RABEP1: variants seen among roughly 807,000 people sequenced by gnomAD.
The protein encoded by RABEP1 is rab GTPase-binding effector protein 1.
A neutral mutation model predicts 123.4 loss-of-function variants in RABEP1; 51 were observed. The observed-to-expected ratio is 0.41, with a 90% CI of 0.33 to 0.52. The LOEUF is 0.52. Among genes scored for constraint, RABEP1 ranks in the 20% least tolerant of loss-of-function variants. RABEP1 has a pLI of 0.16. For synonymous variants in RABEP1, 347 were observed against 355.2 expected (o/e 0.98, Z 0.26); for missense variants, 888 against 996.3 (o/e 0.89, Z 1.46).
rs11432831 is a variant in RABEP1 at position 5,310,301 on chromosome 17, CT to C, written c.163+1497del. 4.5e-4 allele frequency among the ~76,000 whole-genome samples: 57 copies of C among 126,412 alleles called. 1 individual carries two copies. Among genetic ancestry groups the C allele is most frequent in the Admixed American group, 6.5e-4 (8 of 12,220 alleles). 82.9% of individuals were successfully genotyped at this position (126,412 alleles called of 152,430 possible). A position where few individuals can be genotyped will look rare whatever the true frequency, so the allele number is the denominator to read the frequency against. ...TTACAATTTAAATGAAAGCTTCGTC[CT>C]TTTTTTTTTTTTTTTTTGAGATGGG... On this transcript the variant is annotated intron_variant, in intron 2 of 17. Transcript: ENST00000537505.
intron 1 of RABEP1, among the ~76,000 whole-genome samples, chr17:5,284,486 G>T (rs1410506379): frequency 1.7e-4 from 26 of 150,606 alleles, no homozygotes; most frequent in Non-Finnish European, 2.8e-4. Context: ...TTTTCTTTGA[G>T]ACAGTATCTC....
At chr17:5,322,671 A>G (rs898677144) in intron 2 of RABEP1, among the ~76,000 whole-genome samples, 11 of 152,256 alleles carry the variant, frequency 7.2e-5, no homozygotes, top group Non-Finnish European at 8.8e-5. Flanking sequence ...ACAACATATT[A>G]AAAAGATCAG....
Position 5,381,417 on chromosome 17 carries a change from A to G in RABEP1, c.2399A>G (p.Glu800Gly), listed in dbSNP as rs775475407. The change falls in exon 17 of 18, where the codon GAG (glutamate) becomes GGG (glycine). Residue 800 changes from glutamate to glycine, a missense_variant. Transcript: ENST00000537505. ...ACCGTTGAACAACTAATGTTTGAAG[A>G]GAAGAATAAAGCTCAGAGATTACAG... is the stretch of plus-strand genomic sequence containing the variant. ...KATVEQLMFE[E>G]KNKAQRLQTE... The G allele has an allele frequency of 3.1e-6, 5 of 1,613,452 alleles. No individual in the cohort carries two copies. The highest frequency in any genetic ancestry group is 3.4e-6 in the Non-Finnish European group (4 of 1,179,704).
At chr17:5,322,594 G>A (rs1905489884) in intron 2 of RABEP1, among the ~76,000 whole-genome samples, 1 of 151,856 alleles carries the variant, frequency 6.6e-6, no homozygotes, top group African/African-American at 2.4e-5. Context: ...TCAACAAAGA[G>A]ACATCAGAAT....
Position 5,357,560 on chromosome 17 carries a change from A to C in RABEP1, c.1095+3070A>C, listed in dbSNP as rs117875555. On this transcript the variant is annotated intron_variant, in intron 8 of 17. Coordinates refer to ENST00000537505, the MANE Select transcript of RABEP1 (RefSeq NM_004703.6). ...CTATTTTTGTATTTTTAGTACAGAC[A>C]AGTCTTCACTATGTTGGCTAGGCTG... is the stretch of plus-strand genomic sequence containing the variant. Among the ~76,000 whole-genome samples the C allele has an allele frequency of 1.3e-3, 193 of 151,908 alleles. 1 individual carries two copies. In the East Asian group the frequency reaches 0.032, roughly 25 times the overall value.
At chr17:5,368,340 C>G (rs1206933736) in intron 11 of RABEP1, 30 bp from the exon 12 acceptor site, 1 of 1,435,418 alleles carries the variant, frequency 7.0e-7, no homozygotes, top group East Asian at 2.3e-5. Flanking sequence ...GATTTCCTAA[C>G]TATGTTTCTA....
chr17:5,367,644 C>G (rs747550833), intron 11 of RABEP1, among the ~76,000 whole-genome samples: 32 of 151,290 alleles, frequency 2.1e-4, no homozygotes, highest in Non-Finnish European at 4.1e-4. Flanking sequence ...CCACCTTTCC[C>G]CCATTGCTCT....
chr17:5,377,588 G>A lies in RABEP1; in HGVS notation c.2215+283G>A, dbSNP rs185855389. Among the ~76,000 whole-genome samples, 448 of 145,714 alleles carry A rather than the reference G, an allele frequency of 3.1e-3. 2 individuals carry two copies. The highest frequency in any genetic ancestry group is 0.01 in the African/African-American group (396 of 38,974). ...GTTGCCCAGGCTGGAGTGCAATGGC[G>A]CGATCTTGGCTCACCGCAACCTCTG... On this transcript the variant is annotated intron_variant, in intron 14 of 17. Coordinates refer to ENST00000537505, the MANE Select transcript of RABEP1 (RefSeq NM_004703.6).
intron 1 of RABEP1, among the ~76,000 whole-genome samples, chr17:5,299,713 TCTTTTCTTTTTC>T (rs2075115863): frequency 7.7e-6 from 1 of 129,180 alleles, no homozygotes; most frequent in South Asian, 3.8e-4. Flanking sequence ...TTTCTTTTTT[TCTTTTCTTTTTC>T]TTTTTCTTTT....
Position 5,384,371 on chromosome 17 carries a change from C to G in RABEP1, c.*1148C>G, listed in dbSNP as rs750837343. On this transcript the variant is annotated 3_prime_UTR_variant, in exon 18 of 18. Coordinates refer to ENST00000537505, the MANE Select transcript of RABEP1 (RefSeq NM_004703.6). ...GCACAAAGAATTGATTCATGTTCAT[C>G]AATACCTGCTGAGAGTACTGTCCCA... The G allele has an allele frequency of 4.7e-6, 1 of 212,814 alleles. No homozygotes were observed. Among genetic ancestry groups the G allele is most frequent in the African/African-American group, 2.3e-5 (1 of 44,330 alleles). 13.2% of individuals were successfully genotyped at this position (212,814 alleles called of 1,614,324 possible).
chr17:5,382,923 T>TC lies in RABEP1; in HGVS notation c.2488-192dup, dbSNP rs145538993. 3.2e-3 allele frequency among the ~76,000 whole-genome samples: 480 copies of TC among 150,906 alleles called. 8 individuals are homozygous for TC. The East Asian group carries it at 0.051, about 16-fold the overall frequency. On this transcript the variant is annotated intron_variant, in intron 17 of 17. Coordinates refer to ENST00000537505, the MANE Select transcript of RABEP1 (RefSeq NM_004703.6). ...CTGGCCTGGATGATGAGCAAAACTC[T>TC]CCCCCCCAAAAAAAAATCCCAGTCC...
At chr17:5,316,852 A>T (rs1438515754) in intron 2 of RABEP1, among the ~76,000 whole-genome samples, 1 of 151,034 alleles carries the variant, frequency 6.6e-6, no homozygotes, top group Admixed American at 6.6e-5. Context: ...AAAAAAAAAA[A>T]AAAATATAAG....
intron 3 of RABEP1, among the ~76,000 whole-genome samples, chr17:5,333,961 C>T (rs1007014901): frequency 6.6e-6 from 1 of 151,650 alleles, no homozygotes; most frequent in Non-Finnish European, 1.5e-5. Flanking sequence ...AAATTGCGCA[C>T]ATTGATTTCC....
chr17:5,324,848 T>C (rs1905815190), intron 2 of RABEP1, among the ~76,000 whole-genome samples: 1 of 152,194 alleles, frequency 6.6e-6, no homozygotes, highest in Admixed American at 6.5e-5. Context: ...CAATGGGATA[T>C]CCTGTCACCA....
intron 2 of RABEP1, among the ~76,000 whole-genome samples, chr17:5,310,811 CA>C (rs1335205694): frequency 1.4e-5 from 2 of 145,262 alleles, no homozygotes; most frequent in African/African-American, 5.1e-5. Context: ...TTGTTTCATT[CA>C]TTTTTTTTTT....
chr17:5,298,748 C>G (rs535909582), intron 1 of RABEP1, among the ~76,000 whole-genome samples: 1 of 151,626 alleles, frequency 6.6e-6, no homozygotes, highest in African/African-American at 2.4e-5. Flanking sequence ...CTCCGCCTCC[C>G]GGGTTCATGC....
intron 1 of RABEP1, among the ~76,000 whole-genome samples, chr17:5,304,469 CTACTTG>C (rs767554054): frequency 3.0e-4 from 46 of 151,758 alleles, no homozygotes; most frequent in Non-Finnish European, 5.1e-4. Context: ...GTAATCCCAG[CTACTTG>C]GGAGGCTGAG....
At chr17:5,297,083 T>G (rs1296567028) in intron 1 of RABEP1, among the ~76,000 whole-genome samples, 1 of 152,196 alleles carries the variant, frequency 6.6e-6, no homozygotes, top group Admixed American at 6.5e-5. Flanking sequence ...TCCGAATGTT[T>G]TGGAATTTTA....
chr17:5,306,635 A>T (rs2075182273), intron 1 of RABEP1, among the ~76,000 whole-genome samples: 1 of 151,734 alleles, frequency 6.6e-6, no homozygotes, highest in Admixed American at 6.6e-5. Context: ...CTGAAAAAAA[A>T]AAAAGATACA....
Sources: gnomAD v4.1 joint callset for allele counts (sites outside exome capture counted in the v4.1 genomes callset) on GRCh38, gnomAD v4.1.1 for gene constraint, MANE v1.5 for transcripts, NCBI Gene and HGNC (gene_info 2026-07-23, HGNC 2026-07-21) for gene names.